The following HEY2 variants were observed in gnomAD, a reference collection of about 807,000 sequenced individuals.
The protein encoded by HEY2 is hairy/enhancer-of-split related with YRPW motif protein 2.
Under a neutral mutation model 18.1 loss-of-function variants are expected in HEY2, and 10 were observed. The observed-to-expected ratio is 0.55, with a 90% CI of 0.34 to 0.94. The LOEUF is 0.94. HEY2 is among the 40% of genes least tolerant of loss of function. HEY2 has a pLI of 0.02. For synonymous variants in HEY2, 210 were observed against 182.7 expected (o/e 1.15, Z -1.21); for missense variants, 455 against 455.9 (o/e 1.00, Z 0.02).
chr6:125,754,109 G>A (rs976549066), intron 3 of HEY2, among the ~76,000 whole-genome samples: 1 of 152,152 alleles, frequency 6.6e-6, no homozygotes, highest in Non-Finnish European at 1.5e-5. Flanking sequence ...ATGCCCCATA[G>A]TAAAACATAT....
rs146975275 is a variant in HEY2, at chr6:125,758,596, A to G, written c.329-521A>G. Among the ~76,000 whole-genome samples, 185 of 152,372 alleles carry G rather than the reference A, an allele frequency of 1.2e-3. 1 individual carries two copies. The highest frequency in any genetic ancestry group is 4.0e-3 in the African/African-American group (165 of 41,594). ...GCAGTTATGAATTTATTGCGATTCT[A>G]GCACATTTCTAAAGTCCTCAAGCTG... On this transcript the variant is annotated intron_variant, in intron 4 of 4. Coordinates refer to ENST00000368364, the MANE Select transcript of HEY2 (RefSeq NM_012259.3).
intron 3 of HEY2, among the ~76,000 whole-genome samples, chr6:125,752,695 A>G (rs1379226573): frequency 6.6e-6 from 1 of 152,184 alleles, no homozygotes; most frequent in African/African-American, 2.4e-5. Context: ...TTCCTTTACA[A>G]AAAAAGAAAG....
chr6:125,750,567 ATTAT>A (rs1773525114), intron 1 of HEY2, among the ~76,000 whole-genome samples: 1 of 152,234 alleles, frequency 6.6e-6, no homozygotes, highest in African/African-American at 2.4e-5. Context: ...AAGCACCTTA[ATTAT>A]TTATCTGCAG....
intron 4 of HEY2, among the ~76,000 whole-genome samples, chr6:125,758,506 T>A (rs565324188): frequency 1.5e-3 from 224 of 152,338 alleles, no homozygotes; most frequent in Admixed American, 4.9e-3. Context: ...TTTCATTAAA[T>A]TTTTTATACA....
At chr6:125,753,787 C>T (rs1191337852) in intron 3 of HEY2, among the ~76,000 whole-genome samples, 1 of 152,096 alleles carries the variant, frequency 6.6e-6, no homozygotes, top group Non-Finnish European at 1.5e-5. Flanking sequence ...TATGATGCTT[C>T]CTAGGTAAGC....
At chr6:125,756,160 C>A (rs1773651917) in intron 4 of HEY2, among the ~76,000 whole-genome samples, 1 of 152,174 alleles carries the variant, frequency 6.6e-6, no homozygotes, top group Non-Finnish European at 1.5e-5. Flanking sequence ...CCTAGACAGT[C>A]CTAAAATTTG....
intron 1 of HEY2, among the ~76,000 whole-genome samples, chr6:125,751,580 A>G (rs924741674): frequency 3.3e-5 from 5 of 152,242 alleles, no homozygotes; most frequent in African/African-American, 1.2e-4. Flanking sequence ...ATTTTGGCCA[A>G]TGGGTTAGCA....
At chr6:125,757,480 A>G (rs1178827360) in intron 4 of HEY2, among the ~76,000 whole-genome samples, 2 of 152,162 alleles carry the variant, frequency 1.3e-5, no homozygotes, top group Admixed American at 6.5e-5. Flanking sequence ...ATTTGCCACA[A>G]ATATCTTTTG....
chr6:125,758,589 C>G (rs999453504), intron 4 of HEY2, among the ~76,000 whole-genome samples: 1 of 152,122 alleles, frequency 6.6e-6, no homozygotes, highest in African/African-American at 2.4e-5. Flanking sequence ...GAATTTATTG[C>G]GATTCTAGCA....
chr6:125,749,717 T>C lies in HEY2; in HGVS notation c.-60T>C, dbSNP rs891257524. 7 of 1,375,244 alleles carry C rather than the reference T, an allele frequency of 5.1e-6. No homozygotes were observed. The highest frequency in any genetic ancestry group is 1.3e-5 in the South Asian group (1 of 79,710). 85.2% of individuals were successfully genotyped at this position (1,375,244 alleles called of 1,614,324 possible). On this transcript the variant is annotated 5_prime_UTR_variant, in exon 1 of 5. Coordinates refer to ENST00000368364, the MANE Select transcript of HEY2 (RefSeq NM_012259.3). Reference sequence around the variant, plus strand: ...AGGGAGGAGGCGGGCGTCAGGGTGCTGCGCCCCGCTCGGCGTCCGAGCTTC... The same window carrying C: ...AGGGAGGAGGCGGGCGTCAGGGTGCCGCGCCCCGCTCGGCGTCCGAGCTTC...
intron 4 of HEY2, among the ~76,000 whole-genome samples, 157 bp downstream of exon 4, chr6:125,754,703 G>A (rs578257358): frequency 6.6e-6 from 1 of 152,032 alleles, no homozygotes; most frequent in Non-Finnish European, 1.5e-5. Flanking sequence ...CAATGCTAAT[G>A]GCAGGATTGA....
chr6:125,750,504 ATTT>A, intron 1 of HEY2: 1 of 643,720 alleles, frequency 1.6e-6, no homozygotes, highest in Non-Finnish European at 1.9e-6. Flanking sequence ...TTACCGAGGC[ATTT>A]TAGAGCCAAG....
chr6:125,749,671 C>A lies in HEY2; in HGVS notation c.-106C>A. ...GAGCAGACCGCGCCGCCGCCGGAGC[C>A]GCGCCTGCCCAGGCCCGGGGAGGGA... On this transcript the variant is annotated 5_prime_UTR_variant, in exon 1 of 5. Coordinates refer to ENST00000368364, the MANE Select transcript of HEY2 (RefSeq NM_012259.3). 1 of 680,696 alleles carries A rather than the reference C, an allele frequency of 1.5e-6. No individual in the cohort carries two copies. The highest frequency in any genetic ancestry group is 2.2e-6 in the Non-Finnish European group (1 of 449,060). 42.2% of individuals were successfully genotyped at this position (680,696 alleles called of 1,614,324 possible).
chr6:125,754,613 C>T (rs1344503683), intron 4 of HEY2, 67 bp downstream of exon 4: 14 of 816,576 alleles, frequency 1.7e-5, no homozygotes, highest in Non-Finnish European at 2.7e-5. Context: ...TGTTATTCCC[C>T]CTAATATTGT....
chr6:125,755,054 A>C (rs1259188773), intron 4 of HEY2, among the ~76,000 whole-genome samples: 1 of 152,176 alleles, frequency 6.6e-6, no homozygotes, highest in African/African-American at 2.4e-5. Context: ...TATTGTTTTC[A>C]GATTTTTGCT....
At chr6:125,752,193 T>G (rs2128528319) in intron 3 of HEY2, 103 bp downstream of exon 3, 1 of 684,140 alleles carries the variant, frequency 1.5e-6, no homozygotes, top group East Asian at 2.7e-5. Context: ...GGGTTCTTGT[T>G]AAAGCTCATT....
intron 4 of HEY2, among the ~76,000 whole-genome samples, chr6:125,755,247 G>T (rs939819677): frequency 1.3e-5 from 2 of 152,156 alleles, no homozygotes; most frequent in Admixed American, 6.5e-5. Flanking sequence ...TGTCGAGGTG[G>T]TGAGAGAGGA....
chr6:125,755,211 T>C (rs932375033), intron 4 of HEY2, among the ~76,000 whole-genome samples: 1 of 152,126 alleles, frequency 6.6e-6, no homozygotes, highest in African/African-American at 2.4e-5. Flanking sequence ...GTGTCCTCTG[T>C]ACTGGATAGT....
In HEY2 at chr6:125,759,708, T is replaced by TGTCA. The variant is rs1773754186; in HGVS notation, c.923_926dup (p.Ala311IlefsTer16). 1 of 1,613,282 alleles carries TGTCA rather than the reference T, an allele frequency of 6.2e-7. No homozygotes were observed. Among genetic ancestry groups the TGTCA allele is most frequent in the African/African-American group, 1.3e-5 (1 of 74,934 alleles). On this transcript the variant is annotated frameshift_variant, in exon 5 of 5. Coordinates refer to ENST00000368364, the MANE Select transcript of HEY2 (RefSeq NM_012259.3). LOFTEE classifies it high-confidence loss of function. ...GCGGCCACAGCCATCAGCCCGCCCT[T>TGTCA]GTCAGTATCAGCCACGTCCAGTCCT...
Sources: gnomAD v4.1 joint callset for allele counts (sites outside exome capture counted in the v4.1 genomes callset) on GRCh38, gnomAD v4.1.1 for gene constraint, MANE v1.5 for transcripts, NCBI Gene and HGNC (gene_info 2026-07-23, HGNC 2026-07-21) for gene names.